The following GAB1 variants were observed in gnomAD, a reference collection of about 807,000 sequenced individuals.
GAB1 encodes the protein GRB2-associated-binding protein 1.
Under a neutral mutation model 66.5 loss-of-function variants are expected in GAB1, and 19 were observed. That is an observed-to-expected ratio of 0.29 (90% CI 0.20 to 0.42). The LOEUF (loss-of-function observed/expected upper bound fraction) is 0.42. GAB1 is among the 10% of genes least tolerant of loss of function. The pLI, the probability that GAB1 is intolerant of heterozygous loss-of-function variation, is 1.00. For synonymous variants in GAB1, 294 were observed against 301.4 expected (o/e 0.98, Z 0.25); for missense variants, 732 against 858.5 (o/e 0.85, Z 1.84).
At position 143,474,216 on chromosome 4, in the gene GAB1, A is replaced by C. The variant is rs959593578; in HGVS notation, c.*5027A>C. Reference sequence around the variant, plus strand: ...ACCTACAGAAAATTAAGTTTCTAAGATGTTTCTATACTTCATTAGAAAAGA... The same window carrying C: ...ACCTACAGAAAATTAAGTTTCTAAGCTGTTTCTATACTTCATTAGAAAAGA... On this transcript the variant is annotated 3_prime_UTR_variant, in exon 10 of 10. Transcript: ENST00000262994. 4 of 152,124 alleles carry C rather than the reference A, an allele frequency of 2.6e-5. No homozygotes were observed. The highest frequency in any genetic ancestry group is 9.7e-5 in the African/African-American group (4 of 41,430). The allele number at this position is 152,124 out of a possible 1,614,324, so 9.4% of individuals were successfully genotyped here.
At chr4:143,358,478 G>A (rs1336878504) in intron 1 of GAB1, among the ~76,000 whole-genome samples, 1 of 152,072 alleles carries the variant, frequency 6.6e-6, no homozygotes, top group Non-Finnish European at 1.5e-5. Flanking sequence ...TGACACAATA[G>A]GAATACTCAT....
intron 1 of GAB1, among the ~76,000 whole-genome samples, chr4:143,369,696 T>G (rs950473153): frequency 3.3e-5 from 5 of 152,228 alleles, no homozygotes; most frequent in Non-Finnish European, 7.3e-5. Context: ...TTCCTGCTTC[T>G]GAAGGAATGA....
chr4:143,426,743 AT>A (rs1177842338), intron 2 of GAB1, among the ~76,000 whole-genome samples: 4 of 152,188 alleles, frequency 2.6e-5, no homozygotes, highest in African/African-American at 9.7e-5. Flanking sequence ...TTCAGGCTTC[AT>A]TATTAGGATA....
intron 1 of GAB1, among the ~76,000 whole-genome samples, chr4:143,366,113 G>A (rs1170671169): frequency 6.6e-6 from 1 of 152,230 alleles, no homozygotes; most frequent in Non-Finnish European, 1.5e-5. Flanking sequence ...TGAGGTCATA[G>A]TCAGATTTCT....
intron 1 of GAB1, among the ~76,000 whole-genome samples, chr4:143,361,650 T>A (rs968743593): frequency 1.3e-5 from 2 of 152,142 alleles, no homozygotes; most frequent in African/African-American, 2.4e-5. Flanking sequence ...TGGCACATGA[T>A]CATAGGCCCT....
intron 1 of GAB1, among the ~76,000 whole-genome samples, chr4:143,401,034 G>T (rs970308043): frequency 4.6e-5 from 7 of 151,476 alleles, no homozygotes; most frequent in Non-Finnish European, 1.0e-4. Flanking sequence ...ATACAGAACG[G>T]TGTTTTTGTT....
At chr4:143,349,441 G>T in intron 1 of GAB1, 2 of 1,223,256 alleles carry the variant, frequency 1.6e-6, no homozygotes, top group Non-Finnish European at 2.4e-6. Flanking sequence ...ATCAAAGGTG[G>T]CCTTGGCGAA....
intron 1 of GAB1, among the ~76,000 whole-genome samples, chr4:143,401,231 G>T (rs920831297): frequency 1.3e-5 from 2 of 152,024 alleles, no homozygotes; most frequent in Non-Finnish European, 1.5e-5. Flanking sequence ...CTGTCTTCAG[G>T]TTACAATGCT....
chr4:143,407,935 A>G (rs556711087), intron 1 of GAB1, among the ~76,000 whole-genome samples: 18 of 152,336 alleles, frequency 1.2e-4, no homozygotes, highest in South Asian at 6.2e-4. Flanking sequence ...AAATATTTCA[A>G]TGTATTACCA....
intron 1 of GAB1, among the ~76,000 whole-genome samples, chr4:143,352,284 G>T (rs879424335): frequency 2.6e-5 from 4 of 152,260 alleles, no homozygotes; most frequent in South Asian, 4.1e-4. Flanking sequence ...CCTCTTGCAG[G>T]TCTGGCTACT....
intron 2 of GAB1, among the ~76,000 whole-genome samples, chr4:143,419,708 A>C (rs1359009732): frequency 6.6e-6 from 1 of 152,098 alleles, no homozygotes; most frequent in Non-Finnish European, 1.5e-5. Flanking sequence ...ATGCAACTGC[A>C]TTTATTTTTT....
chr4:143,349,397 C>T, intron 1 of GAB1: 1 of 1,052,156 alleles, frequency 9.5e-7, no homozygotes, highest in South Asian at 1.2e-5. Context: ...TTCCAGAGGT[C>T]AGGGGTCAGA....
At chr4:143,354,397 T>C (rs1365235350) in intron 1 of GAB1, among the ~76,000 whole-genome samples, 1 of 152,186 alleles carries the variant, frequency 6.6e-6, no homozygotes, top group African/African-American at 2.4e-5. Context: ...CAAGTGTAAA[T>C]GCTCTTAGAG....
intron 1 of GAB1, among the ~76,000 whole-genome samples, chr4:143,377,065 T>C (rs1730451198): frequency 6.6e-6 from 1 of 152,044 alleles, no homozygotes; most frequent in Admixed American, 6.5e-5. Flanking sequence ...TGATGAATGT[T>C]TTCCAGAATA....
chr4:143,463,443 A>G (rs1191334325), intron 8 of GAB1, among the ~76,000 whole-genome samples: 1 of 151,894 alleles, frequency 6.6e-6, no homozygotes, highest in African/African-American at 2.4e-5. Context: ...GCCAACATGG[A>G]TAAACCCCGT....
chr4:143,438,877 G>A (rs1231396237), intron 4 of GAB1, among the ~76,000 whole-genome samples: 2 of 152,034 alleles, frequency 1.3e-5, no homozygotes, highest in Non-Finnish European at 2.9e-5. Context: ...ATAATCCTGG[G>A]TGGATAGGCC....
rs1414982170 is a variant in GAB1 at position 143,438,321 on chromosome 4, A to G, written c.916A>G (p.Ser306Gly). 1.2e-6 allele frequency: 2 copies of G among 1,613,986 alleles called. No individual in the cohort carries two copies. The highest frequency in any genetic ancestry group is 3.3e-5 in the Admixed American group (2 of 59,992). Residue 306 changes from serine to glycine, a missense_variant, in exon 4 of 10, where the codon AGT becomes GGT. By Grantham distance (56) the Ser-to-Gly change is moderately conservative. Transcript: ENST00000262994. ...GACTCAAATGAGGCATGTATCTATTAGTTATGACATTCCTCCAACACCTGG... is the reference window on the plus strand; with the variant it reads ...GACTCAAATGAGGCATGTATCTATTGGTTATGACATTCCTCCAACACCTGG... Reference protein sequence around the residue: ...VETQMRHVSISYDIPPTPGNT... With the variant: ...VETQMRHVSIGYDIPPTPGNT...
chr4:143,383,771 G>A (rs944404721), intron 1 of GAB1, among the ~76,000 whole-genome samples: 1 of 152,152 alleles, frequency 6.6e-6, no homozygotes, highest in Non-Finnish European at 1.5e-5. Context: ...GGCTCTGGAA[G>A]AAGTTCAAGA....
In GAB1 at chr4:143,343,436, G is replaced by A. The variant is rs1351659529; in HGVS notation, c.72+6176G>A. ...GCTGTGCTCCTGGGCTGGGTGCTGTGTCTTGAGCCCCTGTGCAATGCCTGG... is the reference window on the plus strand; with the variant it reads ...GCTGTGCTCCTGGGCTGGGTGCTGTATCTTGAGCCCCTGTGCAATGCCTGG... On this transcript the variant is annotated intron_variant, in intron 1 of 9. Transcript: ENST00000262994. The A allele has an allele frequency of 1.9e-5, 3 of 154,830 alleles. No individual in the cohort carries two copies. In the East Asian group the frequency reaches 5.8e-4, roughly 30 times the overall value. 9.6% of individuals were successfully genotyped at this position (154,830 alleles called of 1,614,324 possible). A position where few individuals can be genotyped will look rare whatever the true frequency, so the allele number is the denominator to read the frequency against.
Sources: allele counts gnomAD v4.1 joint callset (sites outside exome capture counted in the v4.1 genomes callset), GRCh38; gene constraint gnomAD v4.1.1; transcripts MANE v1.5; gene names NCBI Gene and HGNC (gene_info 2026-07-23, HGNC 2026-07-21).